Variants in PCDH9 observed in about 807,000 individuals in gnomAD.
PCDH9 encodes the protein protocadherin-9.
In PCDH9, 24 loss-of-function variants were observed where a neutral mutation model predicts 70.6. The ratio of observed to expected loss-of-function variants is 0.34; its 90% CI spans 0.25 to 0.48. The LOEUF is 0.48. Among genes scored for constraint, PCDH9 ranks in the 20% least tolerant of loss-of-function variants. The pLI is 0.99. For synonymous variants in PCDH9, 562 were observed against 558.5 expected, an observed-to-expected ratio of 1.01 and a Z score of -0.09; for missense variants, 1,281 against 1,503.6, an observed-to-expected ratio of 0.85 and a Z score of 2.45.
chr13:66,897,272 G>T (rs565693973), intron 3 of PCDH9, among the ~76,000 whole-genome samples: 7 of 152,018 alleles, frequency 4.6e-5, no homozygotes, highest in Non-Finnish European at 8.8e-5. Flanking sequence ...GAGAGGGAGG[G>T]AAGAAAGGAG....
intron 4 of PCDH9, among the ~76,000 whole-genome samples, chr13:66,510,285 T>C (rs1397630893): frequency 6.6e-6 from 1 of 152,006 alleles, no homozygotes; most frequent in Non-Finnish European, 1.5e-5. Context: ...AAGAATCTAA[T>C]AATTTTGTTT....
At chr13:67,139,739 C>T (rs554771353) in intron 2 of PCDH9, among the ~76,000 whole-genome samples, 10 of 152,262 alleles carry the variant, frequency 6.6e-5, no homozygotes, top group Non-Finnish European at 8.8e-5. Context: ...CACCATAGCA[C>T]GACATCTGCT....
At chr13:66,518,211 A>T (rs781033827) in intron 4 of PCDH9, among the ~76,000 whole-genome samples, 2 of 152,014 alleles carry the variant, frequency 1.3e-5, no homozygotes, top group Non-Finnish European at 2.9e-5. Flanking sequence ...ACACTTTTAA[A>T]CACCCAGATC....
intron 4 of PCDH9, among the ~76,000 whole-genome samples, chr13:66,549,356 A>AT (rs1310077384): frequency 2.5e-3 from 377 of 150,984 alleles, no homozygotes; most frequent in African/African-American, 8.4e-3. Flanking sequence ...TACTTTTGTG[A>AT]TTTTTTTTTG....
At chr13:66,891,713 A>G (rs1018361170) in intron 3 of PCDH9, among the ~76,000 whole-genome samples, 1 of 152,130 alleles carries the variant, frequency 6.6e-6, no homozygotes, top group African/African-American at 2.4e-5. Context: ...ATGCTTTTTA[A>G]AAAACACCAT....
At chr13:66,794,271 G>A (rs1055849007) in intron 3 of PCDH9, among the ~76,000 whole-genome samples, 4 of 151,926 alleles carry the variant, frequency 2.6e-5, no homozygotes, top group Admixed American at 6.6e-5. Context: ...AAAGAGAAAA[G>A]GAAGGAAAGA....
At chr13:66,694,267 C>T (rs189982054) in intron 3 of PCDH9, among the ~76,000 whole-genome samples, 26 of 152,264 alleles carry the variant, frequency 1.7e-4, no homozygotes, top group Non-Finnish European at 2.8e-4. Flanking sequence ...TTAATAGTGG[C>T]TGTGCACAGC....
intron 4 of PCDH9, among the ~76,000 whole-genome samples, chr13:66,571,104 T>C (rs2076727092): frequency 1.3e-5 from 2 of 152,024 alleles, no homozygotes; most frequent in Admixed American, 1.3e-4. Context: ...TAACAAGAAT[T>C]GTTGCTTTGT....
chr13:66,922,310 A>G (rs1330970118), intron 2 of PCDH9, among the ~76,000 whole-genome samples: 1 of 151,456 alleles, frequency 6.6e-6, no homozygotes, highest in Non-Finnish European at 1.5e-5. Context: ...ATTTGGAATT[A>G]TTAAAAATTG....
At chr13:66,633,656 G>T (rs2077600804) in intron 3 of PCDH9, among the ~76,000 whole-genome samples, 1 of 152,080 alleles carries the variant, frequency 6.6e-6, no homozygotes. Context: ...CTTAACTCTG[G>T]TGAGTAAAAA....
intron 4 of PCDH9, among the ~76,000 whole-genome samples, chr13:66,421,591 C>A (rs528542059): frequency 5.9e-5 from 9 of 152,252 alleles, no homozygotes; most frequent in Non-Finnish European, 1.3e-4. Flanking sequence ...GAAATAAAAT[C>A]TTTTACAGAC....
At chr13:67,150,006 T>A (rs2087618292) in intron 2 of PCDH9, among the ~76,000 whole-genome samples, 2 of 152,154 alleles carry the variant, frequency 1.3e-5, no homozygotes. Context: ...ATATTTGCAG[T>A]TTATATTTTA....
At chr13:66,906,439 G>T (rs906068823) in intron 2 of PCDH9, among the ~76,000 whole-genome samples, 1 of 152,152 alleles carries the variant, frequency 6.6e-6, no homozygotes, top group African/African-American at 2.4e-5. Flanking sequence ...CTTAATATAA[G>T]GGCCAACAGT....
At chr13:67,088,581 T>C (rs1405918498) in intron 2 of PCDH9, among the ~76,000 whole-genome samples, 1 of 152,016 alleles carries the variant, frequency 6.6e-6, no homozygotes, top group African/African-American at 2.4e-5. Flanking sequence ...GGCCAACTTG[T>C]TTTCCCCTAA....
intron 3 of PCDH9, among the ~76,000 whole-genome samples, chr13:66,882,678 C>A (rs1285442741): frequency 1.3e-5 from 2 of 152,062 alleles, no homozygotes; most frequent in Non-Finnish European, 2.9e-5. Context: ...ACAAAGCAGC[C>A]ACTCAATGGC....
chr13:66,917,013 A>G lies in PCDH9; in HGVS notation c.3037-13408T>C, dbSNP rs370718697. On this transcript the variant is annotated intron_variant, in intron 2 of 4. Coordinates refer to ENST00000377865, the MANE Select transcript of PCDH9 (RefSeq NM_203487.3). ...TTCTGCTGCTCATTAAACTGAAACT[A>G]CTTGCAGATGAAGTTTTCTTTAAAA... Among the ~76,000 whole-genome samples the G allele has an allele frequency of 6.6e-5, 10 of 151,588 alleles. No homozygotes were observed. The East Asian group carries it at 1.9e-3, about 29-fold the overall frequency.
At chr13:66,831,927 T>A (rs1225058868) in intron 3 of PCDH9, among the ~76,000 whole-genome samples, 2 of 152,158 alleles carry the variant, frequency 1.3e-5, no homozygotes, top group Non-Finnish European at 2.9e-5. Context: ...AATGTCTGCA[T>A]AATTCCTTAT....
chr13:66,882,843 G>A (rs1033076313), intron 3 of PCDH9, among the ~76,000 whole-genome samples: 5 of 152,028 alleles, frequency 3.3e-5, no homozygotes, highest in African/African-American at 9.7e-5. Flanking sequence ...AGTGCATAAG[G>A]TCTATCAGCC....
At chr13:66,374,140 A>G (rs1956706870) in intron 4 of PCDH9, among the ~76,000 whole-genome samples, 1 of 152,076 alleles carries the variant, frequency 6.6e-6, no homozygotes, top group South Asian at 2.1e-4. Flanking sequence ...ATCAATGCTG[A>G]GAACAAAGGA....
Sources: allele counts gnomAD v4.1 joint callset (sites outside exome capture counted in the v4.1 genomes callset), GRCh38; gene constraint gnomAD v4.1.1; transcripts MANE v1.5; gene names NCBI Gene and HGNC (gene_info 2026-07-23, HGNC 2026-07-21).